PTPRF: variants seen among roughly 807,000 people sequenced by gnomAD.
PTPRF encodes the protein receptor-type tyrosine-protein phosphatase F.
Under a neutral mutation model 201.8 loss-of-function variants are expected in PTPRF, and 59 were observed. The observed-to-expected ratio is 0.29, with a 90% CI of 0.24 to 0.36. The LOEUF (loss-of-function observed/expected upper bound fraction) is 0.36, where lower values mean the gene tolerates loss of function less well. Among genes scored for constraint, PTPRF ranks in the 10% least tolerant of loss-of-function variants. The pLI is 1.00. For synonymous variants in PTPRF, 1,088 were observed against 1,089.7 expected, an observed-to-expected ratio of 1.00 and a Z score of 0.03; for missense variants, 2,132 against 2,690.5, an observed-to-expected ratio of 0.79 and a Z score of 4.59.
At chr1:43,586,413 C>T (rs1557775239) in intron 7 of PTPRF, among the ~76,000 whole-genome samples, 1 of 152,222 alleles carries the variant, frequency 6.6e-6, no homozygotes, top group South Asian at 2.1e-4. Context: ...GGTGGTGGTC[C>T]TGGCTGAGCC....
At chr1:43,589,444 C>T (rs570858596) in intron 8 of PTPRF, among the ~76,000 whole-genome samples, 1 of 151,836 alleles carries the variant, frequency 6.6e-6, no homozygotes, top group Non-Finnish European at 1.5e-5. Flanking sequence ...AGTACCAGAC[C>T]TTCAGGTTTA....
In PTPRF at chr1:43,619,076, G is replaced by A. The variant is rs1028882041; in HGVS notation, c.4520G>A (p.Arg1507His). The A allele has an allele frequency of 6.8e-6, 11 of 1,613,874 alleles. No individual in the cohort carries two copies. Among genetic ancestry groups the A allele is most frequent in the East Asian group, 2.2e-5 (1 of 44,882 alleles). The part of the protein sequence containing the change: ...KSGSSEKREL[R>H]QFQFMAWPDH... ...GGCTCCAGTGAGAAGCGCGAGCTGC[G>A]TCAGTTTCAGTTCATGGCCTGGCCA... is the stretch of plus-strand genomic sequence containing the variant. Residue 1507 changes from arginine to histidine, a missense_variant, in exon 27 of 34, where the codon CGT (arginine) becomes CAT (histidine). Arg to His is a conservative substitution (Grantham distance 29, BLOSUM62 0). Coordinates refer to ENST00000359947, the MANE Select transcript of PTPRF (RefSeq NM_002840.5).
chr1:43,565,467 G>C (rs1646097627), intron 5 of PTPRF, among the ~76,000 whole-genome samples: 1 of 152,262 alleles, frequency 6.6e-6, no homozygotes, highest in African/African-American at 2.4e-5. Context: ...AGACCCTAGG[G>C]AATGTGTGTG....
Position 43,621,130 on chromosome 1 carries a change from T to G in PTPRF, c.5553T>G (p.Thr1851=). The G allele has an allele frequency of 6.2e-7, 1 of 1,614,162 alleles. No individual in the cohort carries two copies. The highest frequency in any genetic ancestry group is 8.5e-7 in the Non-Finnish European group (1 of 1,179,970). The change falls in exon 33 of 34, where the codon ACT becomes ACG. Residue 1851 remains threonine (T), a synonymous_variant. Transcript: ENST00000359947. ...AGVGRTGVFI[T]LSIVLERMRY... ...TGGGCCGCACCGGGGTGTTCATCAC[T>G]CTGAGCATCGTCCTGGAGCGCATGC... is the stretch of plus-strand genomic sequence containing the variant.
In PTPRF at chr1:43,619,726, A is replaced by G. The variant is rs777812290; in HGVS notation, c.4979A>G (p.Asn1660Ser). Residue 1660 changes from asparagine (N) to serine (S), a missense_variant, in exon 29 of 34, where the codon AAC (asparagine) becomes AGC (serine). By Grantham distance (46) the Asn-to-Ser change is conservative (BLOSUM62 1). Transcript: ENST00000359947. Reference sequence around the variant, plus strand: ...CACACGTCCCGCTTCATCAGCGCCAACCTGCCCTGCAACAAGTTCAAGAAC... The same window carrying G: ...CACACGTCCCGCTTCATCAGCGCCAGCCTGCCCTGCAACAAGTTCAAGAAC... Reference protein sequence around the residue: ...KAHTSRFISANLPCNKFKNRL... With the variant: ...KAHTSRFISASLPCNKFKNRL... 3.7e-6 allele frequency: 6 copies of G among 1,614,218 alleles called. No homozygotes were observed. The highest frequency in any genetic ancestry group is 5.1e-6 in the Non-Finnish European group (6 of 1,180,026).
chr1:43,612,077 G>A (rs541801795), intron 22 of PTPRF, among the ~76,000 whole-genome samples: 17 of 152,284 alleles, frequency 1.1e-4, no homozygotes, highest in Non-Finnish European at 1.9e-4. Context: ...TTGAGAAGGA[G>A]CAGCCACAGC....
intron 6 of PTPRF, among the ~76,000 whole-genome samples, chr1:43,573,519 C>A (rs1032172322): frequency 2.1e-4 from 32 of 152,344 alleles, no homozygotes; most frequent in African/African-American, 5.8e-4. Context: ...GGGCTTGCAG[C>A]CCCTCACCCT....
chr1:43,582,637 C>T (rs912186518), intron 7 of PTPRF: 8 of 152,380 alleles, frequency 5.3e-5, no homozygotes, highest in African/African-American at 1.9e-4. Context: ...CAGACATGCT[C>T]CTTACACCGG....
Position 43,620,935 on chromosome 1 carries a change from A to T in PTPRF, c.5462A>T (p.Gln1821Leu), listed in dbSNP as rs1171906145. The T allele has an allele frequency of 1.2e-6, 2 of 1,614,172 alleles. No homozygotes were observed. The highest frequency in any genetic ancestry group is 2.2e-5 in the East Asian group (1 of 44,876). Residue 1821 changes from glutamine to leucine, a missense_variant, in exon 32 of 34, where the codon CAG becomes CTG. Gln to Leu is a moderately radical substitution (Grantham distance 113, BLOSUM62 -2). Around this residue, in one of 6 missense-constraint regions of PTPRF, gnomAD observed 519 missense variants for 659.5 expected, o/e 0.79. Transcript: ENST00000359947. Reference sequence around the variant, plus strand: ...GAGGGATTCATTGACTTCATCGGGCAGGTGCATAAGACCAAGGAGCAGTTT... The same window carrying T: ...GAGGGATTCATTGACTTCATCGGGCTGGTGCATAAGACCAAGGAGCAGTTT... ...TGEGFIDFIG[Q>L]VHKTKEQFGQ...
At chr1:43,563,801 G>A (rs1295659384) in intron 5 of PTPRF, among the ~76,000 whole-genome samples, 1 of 152,204 alleles carries the variant, frequency 6.6e-6, no homozygotes, top group Non-Finnish European at 1.5e-5. Context: ...GATGACAAGA[G>A]TCTCCCTGGA....
chr1:43,605,133 A>G lies in PTPRF; in HGVS notation c.3136-57A>G, dbSNP rs966144234. 1.0e-5 allele frequency: 16 copies of G among 1,574,916 alleles called. No individual in the cohort carries two copies. In the African/African-American group the frequency reaches 2.0e-4, roughly 20 times the overall value. On this transcript the variant is annotated intron_variant, in intron 17 of 33. Transcript: ENST00000359947. ...TGTGTATCCGTGCACTGTGCCTTGC[A>G]GCCCGTGGTAGGGAACCTCACCCAA...
intron 6 of PTPRF, among the ~76,000 whole-genome samples, chr1:43,575,702 C>T (rs974862003): frequency 6.6e-6 from 1 of 151,944 alleles, no homozygotes; most frequent in African/African-American, 2.4e-5. Flanking sequence ...GAGCCAGTGA[C>T]CTGGGACACA....
intron 13 of PTPRF, among the ~76,000 whole-genome samples, chr1:43,601,368 C>T (rs1280328652): frequency 6.6e-6 from 1 of 152,254 alleles, no homozygotes; most frequent in Non-Finnish European, 1.5e-5. Flanking sequence ...CTCAGACACC[C>T]CGAGGAAGGA....
At chr1:43,620,771 G>A in intron 31 of PTPRF, 67 bp from the exon 32 acceptor site, 1 of 1,568,242 alleles carries the variant, frequency 6.4e-7, no homozygotes. Flanking sequence ...TACTACCCTG[G>A]TCTAGTCCAG....
chr1:43,594,712 A>G (rs1201897881), intron 11 of PTPRF, among the ~76,000 whole-genome samples: 1 of 152,104 alleles, frequency 6.6e-6, no homozygotes, highest in East Asian at 1.9e-4. Context: ...TTTCTGGTGT[A>G]TTAACCTGGG....
At chr1:43,562,309 C>T (rs1442813723) in intron 5 of PTPRF, among the ~76,000 whole-genome samples, 3 of 151,744 alleles carry the variant, frequency 2.0e-5, no homozygotes, top group Admixed American at 1.3e-4. Context: ...GGGGTTTCAC[C>T]GTGTTAGCCA....
At position 43,619,529 on chromosome 1, in the gene PTPRF, G is replaced by A. The variant is rs754777001; in HGVS notation, c.4888G>A (p.Val1630Met). Reference protein sequence around the residue: ...LYAHIQKLGQVPPGESVTAME... With the variant: ...LYAHIQKLGQMPPGESVTAME... ...TGCCCACATCCAGAAGCTGGGCCAAGTGCCTCCAGGGGAGAGTGTGACCGC... is the reference window on the plus strand; with the variant it reads ...TGCCCACATCCAGAAGCTGGGCCAAATGCCTCCAGGGGAGAGTGTGACCGC... Residue 1630 changes from valine to methionine, a missense_variant, in exon 28 of 34, where the codon GTG becomes ATG. Val to Met is a conservative substitution (Grantham distance 21). Coordinates refer to ENST00000359947, the MANE Select transcript of PTPRF (RefSeq NM_002840.5). The A allele has an allele frequency of 1.9e-6, 3 of 1,614,024 alleles. No individual in the cohort carries two copies. Among genetic ancestry groups the A allele is most frequent in the South Asian group, 2.2e-5 (2 of 91,086 alleles).
chr1:43,620,999 C>G lies in PTPRF; in HGVS notation c.5519+7C>G. On this transcript the variant is annotated splice_region_variant and intron_variant, in intron 32 of 33. Coordinates refer to ENST00000359947, the MANE Select transcript of PTPRF (RefSeq NM_002840.5). Reference sequence around the variant, plus strand: ...CTATCACGGTGCACTGCAGGTGGGACTGGCCCCCTGGAGGGCTGGGGTGGG... The same window carrying G: ...CTATCACGGTGCACTGCAGGTGGGAGTGGCCCCCTGGAGGGCTGGGGTGGG... The G allele has an allele frequency of 1.2e-6, 2 of 1,611,918 alleles. No homozygotes were observed. The highest frequency in any genetic ancestry group is 1.7e-6 in the Non-Finnish European group (2 of 1,178,644).
chr1:43,575,749 T>C (rs1646881734), intron 6 of PTPRF, among the ~76,000 whole-genome samples: 1 of 152,144 alleles, frequency 6.6e-6, no homozygotes, highest in Admixed American at 6.5e-5. Flanking sequence ...GCCTGCTTGC[T>C]CACACACTGT....
Sources: gnomAD v4.1 joint callset for allele counts (sites outside exome capture counted in the v4.1 genomes callset) on GRCh38, gnomAD v4.1.1 for gene constraint, gnomAD v4.1.1 regional missense constraint, MANE v1.5 for transcripts, NCBI Gene and HGNC (gene_info 2026-07-23, HGNC 2026-07-21) for gene names.